The following RYR2 variants were observed in gnomAD, a reference collection of about 807,000 sequenced individuals.
The protein encoded by RYR2 is ryanodine receptor 2.
In RYR2, 227 loss-of-function variants were observed where a neutral mutation model predicts 601.1. That is an observed-to-expected ratio of 0.38 (90% confidence interval 0.34 to 0.42). The LOEUF (loss-of-function observed/expected upper bound fraction) is 0.42. RYR2 is among the 10% of genes least tolerant of loss of function. RYR2 has a pLI of 1.00. For missense variants in RYR2, 4,646 were observed against 6,156.5 expected (o/e 0.75, Z 8.21); for synonymous variants, 2,223 against 2,175.1 (o/e 1.02, Z -0.61).
intron 7 of RYR2, 149 bp downstream of exon 7, chr1:237,374,944 G>T: frequency 1.6e-6 from 1 of 633,518 alleles, no homozygotes; most frequent in African/African-American, 1.8e-5. Context: ...TCCTAGAAGG[G>T]GAAAGTGTAT....
At chr1:237,755,738 G>T (rs1049596342) in intron 80 of RYR2, among the ~76,000 whole-genome samples, 67 of 151,954 alleles carry the variant, frequency 4.4e-4, no homozygotes, top group Non-Finnish European at 1.0e-4. Context: ...TTATTCTTTG[G>T]GGGTGACTGG....
At chr1:237,127,071 G>A (rs1401392869) in intron 1 of RYR2, among the ~76,000 whole-genome samples, 5 of 151,748 alleles carry the variant, frequency 3.3e-5, no homozygotes, top group Non-Finnish European at 5.9e-5. Context: ...AGTGGACACA[G>A]CACATGTTTC....
intron 81 of RYR2, 97 bp from the exon 82 acceptor site, chr1:237,757,600 G>A (rs760648830): frequency 2.6e-5 from 20 of 772,332 alleles, no homozygotes; most frequent in Non-Finnish European, 4.3e-5. Context: ...GCCTGGGGGG[G>A]CATAATAATA....
chr1:237,479,089 A>C (rs1033009586), intron 17 of RYR2, among the ~76,000 whole-genome samples: 1 of 152,200 alleles, frequency 6.6e-6, no homozygotes, highest in African/African-American at 2.4e-5. Context: ...ATGCAGGCTT[A>C]GTGGCGAATG....
At position 237,764,674 on chromosome 1, in the gene RYR2, T is replaced by TGA. The variant is rs919695744; in HGVS notation, c.11476+3647_11476+3648dup. Among the ~76,000 whole-genome samples, 63 of 152,094 alleles carry TGA rather than the reference T, an allele frequency of 4.1e-4. 2 individuals carry two copies. Among genetic ancestry groups the TGA allele is most frequent in the Middle Eastern group, 3.4e-3 (1 of 294 alleles). On this transcript the variant is annotated intron_variant, in intron 84 of 104. Coordinates refer to ENST00000366574, the MANE Select transcript of RYR2 (RefSeq NM_001035.3). ...CTTGGCCAGGCTGGTCTTGAACTCCTGACCTCAGGTGACCCACCCACCTCG... is the reference window on the plus strand; with the variant it reads ...CTTGGCCAGGCTGGTCTTGAACTCCTGAGACCTCAGGTGACCCACCCACCTCG...
At position 237,784,534 on chromosome 1, in the gene RYR2, G is replaced by A. The variant is rs1695391653; in HGVS notation, c.12822G>A (p.Met4274Ile). The change falls in exon 90 of 105, where the codon ATG (methionine) becomes ATA (isoleucine). Residue 4274 changes from methionine to isoleucine, a missense_variant. Met to Ile is a conservative substitution (Grantham distance 10). Coordinates refer to ENST00000366574, the MANE Select transcript of RYR2 (RefSeq NM_001035.3). This position sits in a 1 kb window ranked among gnomAD's most constrained non-coding sequence, Gnocchi z 7.1. ...LKKQMKKVKK[M>I]TVKDMVTAFF... The stretch of plus-strand genomic sequence containing the variant: ...AGCAGATGAAAAAAGTAAAAAAGAT[G>A]ACCGTGAAGGACATGGTCACGGCCT... 6.2e-7 allele frequency: 1 copy of A among 1,613,704 alleles called. No individual in the cohort carries two copies.
chr1:237,773,718 G>T, intron 87 of RYR2, 70 bp downstream of exon 87: 1 of 1,271,590 alleles, frequency 7.9e-7, no homozygotes, highest in South Asian at 1.5e-5. Context: ...ATCTAGAGTA[G>T]TTTCCATATC....
chr1:237,666,696 G>A (rs1037881754), intron 57 of RYR2, 107 bp downstream of exon 57: 115 of 831,016 alleles, frequency 1.4e-4, no homozygotes, highest in African/African-American at 1.2e-4. Flanking sequence ...TGAATGTGGC[G>A]ATCTATAATG....
intron 24 of RYR2, among the ~76,000 whole-genome samples, chr1:237,521,674 C>T (rs1385606964): frequency 6.6e-6 from 1 of 151,840 alleles, no homozygotes; most frequent in East Asian, 1.9e-4. Context: ...GAGCCGAGAT[C>T]ATGCTGCTGC....
intron 90 of RYR2, among the ~76,000 whole-genome samples, chr1:237,785,662 C>T (rs1322907140): frequency 1.3e-5 from 2 of 152,110 alleles, no homozygotes; most frequent in Admixed American, 6.5e-5. Context: ...AGGACTTAAA[C>T]TGGCATTGAA....
At chr1:237,537,691 T>C (rs578114851) in intron 25 of RYR2, among the ~76,000 whole-genome samples, 15 of 152,186 alleles carry the variant, frequency 9.9e-5, no homozygotes, top group African/African-American at 3.4e-4. Flanking sequence ...CTAGATAGAT[T>C]CAAAGGACAA....
At chr1:237,603,460 C>T (rs1177927866) in intron 35 of RYR2, among the ~76,000 whole-genome samples, 2 of 152,150 alleles carry the variant, frequency 1.3e-5, no homozygotes, top group Non-Finnish European at 2.9e-5. Flanking sequence ...GCCAAGTGCC[C>T]GGCCACATGC....
At chr1:237,416,759 C>CAGAGAGAGAGAGAGAGAGAGAGAG (rs5781955) in intron 10 of RYR2, among the ~76,000 whole-genome samples, 14 of 138,910 alleles carry the variant, frequency 1.0e-4, no homozygotes, top group African/African-American at 3.6e-4. Flanking sequence ...AACACACACA[C>CAGAGAGAGAGAGAGAGAGAGAGAG]ACACAGAGAG....
intron 1 of RYR2, among the ~76,000 whole-genome samples, chr1:237,061,473 G>A (rs1258258464): frequency 1.3e-5 from 2 of 151,996 alleles, no homozygotes; most frequent in South Asian, 2.1e-4. Flanking sequence ...GTACAACCAT[G>A]CCAGCTAATT....
intron 24 of RYR2, 43 bp downstream of exon 24, chr1:237,511,834 G>GAAAAAAA (rs71561879): frequency 4.8e-5 from 9 of 189,044 alleles, no homozygotes; most frequent in Non-Finnish European, 6.6e-5. Context: ...TGCCTTCCCT[G>GAAAAAAA]AAAAAAAAAA....
In RYR2 at chr1:237,680,550, C is replaced by A; in HGVS notation, c.8990C>A (p.Ser2997Tyr). The A allele has an allele frequency of 6.2e-7, 1 of 1,605,180 alleles. No homozygotes were observed. Among genetic ancestry groups the A allele is most frequent in the Non-Finnish European group, 8.5e-7 (1 of 1,174,978 alleles). ...CCTCTCTGCTCTGGAGGACATGCTT[C>A]CAACAAAGAGAAAGAAATGGTGACT... Reference protein sequence around the residue: ...SRPLCSGGHASNKEKEMVTSL... With the variant: ...SRPLCSGGHAYNKEKEMVTSL... The change falls in exon 62 of 105, where the codon TCC becomes TAC. Residue 2997 changes from serine to tyrosine, a missense_variant. Around this residue, in one of 17 missense-constraint regions of RYR2, gnomAD observed 1,497 missense variants for 1,842.6 expected, o/e 0.81. Transcript: ENST00000366574.
chr1:237,634,319 A>C (rs79755311), intron 43 of RYR2, among the ~76,000 whole-genome samples: 4,815 of 152,276 alleles, frequency 0.032, 255 homozygotes, highest in African/African-American at 0.11. Context: ...AACAACATGG[A>C]TGAACCTGGA....
chr1:237,081,203 C>T (rs1227931020), intron 1 of RYR2, among the ~76,000 whole-genome samples: 7 of 126,866 alleles, frequency 5.5e-5, no homozygotes, highest in Admixed American at 3.4e-4. Flanking sequence ...GTGGGTGCAG[C>T]GCACCAGCAT....
At chr1:237,643,254 T>G in intron 47 of RYR2, 73 bp from the exon 48 acceptor site, 1 of 1,568,948 alleles carries the variant, frequency 6.4e-7, no homozygotes, top group South Asian at 1.2e-5. Context: ...ATTCCAATAC[T>G]TCAGATTTCC....
Sources: gnomAD v4.1 joint callset for allele counts (sites outside exome capture counted in the v4.1 genomes callset) on GRCh38, gnomAD v4.1.1 for gene constraint, gnomAD v4.1.1 regional missense constraint, Gnocchi (gnomAD v3.1) non-coding constraint, MANE v1.5 for transcripts, NCBI Gene and HGNC (gene_info 2026-07-23, HGNC 2026-07-21) for gene names.